MROH1: variants seen among roughly 807,000 people sequenced by gnomAD.
MROH1 encodes the protein maestro heat-like repeat-containing protein family member 1.
Under a neutral mutation model 116.5 loss-of-function variants are expected in MROH1, and 117 were observed. The observed-to-expected ratio is 1.00, with a 90% CI of 0.86 to 1.17. MROH1 has a LOEUF of 1.17. Ranked by LOEUF, MROH1 falls within the 50% of genes most tolerant of loss-of-function variation. MROH1 has a pLI of 0.00. For missense variants in MROH1, 1,873 were observed against 1,338.5 expected, an observed-to-expected ratio of 1.40 and a Z score of -6.23; for synonymous variants, 921 against 583.9, an observed-to-expected ratio of 1.58 and a Z score of -8.32.
chr8:144,216,417 T>G (rs1040015763), intron 12 of MROH1, among the ~76,000 whole-genome samples: 34 of 152,024 alleles, frequency 2.2e-4, no homozygotes, highest in African/African-American at 8.0e-4. Context: ...GAGCTTGCAG[T>G]GAGCCGAGAT....
intron 12 of MROH1, among the ~76,000 whole-genome samples, chr8:144,218,218 G>A (rs895083774): frequency 6.6e-6 from 1 of 152,146 alleles, no homozygotes; most frequent in African/African-American, 2.4e-5. Flanking sequence ...AGCTCCTCTG[G>A]TGCAGGAACA....
At chr8:144,193,597 CATTT>C (rs1264201106) in intron 10 of MROH1, among the ~76,000 whole-genome samples, 6 of 151,950 alleles carry the variant, frequency 3.9e-5, no homozygotes, top group Non-Finnish European at 7.4e-5. Flanking sequence ...ATTATTTATT[CATTT>C]ATTTATTTAT....
intron 1 of MROH1, among the ~76,000 whole-genome samples, chr8:144,156,383 G>C (rs1304825463): frequency 6.6e-6 from 1 of 151,608 alleles, no homozygotes; most frequent in African/African-American, 2.4e-5. Context: ...TGAGATGATC[G>C]TGATGTGAAT....
intron 12 of MROH1, among the ~76,000 whole-genome samples, chr8:144,218,614 TCTGAACTTCA>T (rs1835791686): frequency 6.7e-6 from 1 of 149,090 alleles, no homozygotes; most frequent in Non-Finnish European, 1.5e-5. Context: ...TAACAGAAAT[TCTGAACTTCA>T]CTGAACTTCA....
intron 1 of MROH1, among the ~76,000 whole-genome samples, chr8:144,153,198 C>CT (rs1817270788): frequency 6.8e-6 from 1 of 146,776 alleles, no homozygotes; most frequent in African/African-American, 2.7e-5. Flanking sequence ...ACAGGAATTC[C>CT]TTCTTTTTTT....
In MROH1 at chr8:144,261,825, T is replaced by C. The variant is rs1343990226; in HGVS notation, c.*85T>C. On this transcript the variant is annotated 3_prime_UTR_variant, in exon 44 of 44. Coordinates refer to ENST00000326134, the MANE Select transcript of MROH1 (RefSeq NM_032450.3). ...ACAGGGCCTCCTGAGGACCACAGCC[T>C]GGGCACACGACTGGAGGGGCCTGGC... 8.6e-6 allele frequency: 6 copies of C among 700,224 alleles called. No homozygotes were observed. The highest frequency in any genetic ancestry group is 1.6e-5 in the Non-Finnish European group (6 of 384,574). 43.4% of individuals were successfully genotyped at this position (700,224 alleles called of 1,614,324 possible).
chr8:144,217,521 T>C (rs1169073680), intron 12 of MROH1, among the ~76,000 whole-genome samples: 4 of 152,236 alleles, frequency 2.6e-5, no homozygotes, highest in Non-Finnish European at 5.9e-5. Flanking sequence ...CTGAAAGTTC[T>C]CAGAACACAT....
intron 4 of MROH1, among the ~76,000 whole-genome samples, chr8:144,168,887 G>A (rs928069335): frequency 4.6e-5 from 7 of 152,226 alleles, no homozygotes; most frequent in Admixed American, 2.0e-4. Flanking sequence ...CCTCAGGGAG[G>A]GGCTGCCCAG....
chr8:144,191,639 G>A, intron 8 of MROH1, 76 bp from the exon 9 acceptor site: 1 of 1,559,752 alleles, frequency 6.4e-7, no homozygotes, highest in Non-Finnish European at 8.7e-7. Context: ...GTCCGTCACG[G>A]GTGCTTGCTG....
chr8:144,236,536 T>A (rs2132779749), intron 14 of MROH1, among the ~76,000 whole-genome samples: 2 of 151,320 alleles, frequency 1.3e-5, no homozygotes, highest in Non-Finnish European at 2.9e-5. Context: ...AAGTCGGGAG[T>A]TCAAGACCAG....
chr8:144,234,498 G>GGTT (rs1839618125), intron 14 of MROH1, among the ~76,000 whole-genome samples: 1 of 18,090 alleles, frequency 5.5e-5, no homozygotes, highest in African/African-American at 1.7e-4. Flanking sequence ...TTTCTTTTTC[G>GGTT]TTTTTTTTTT....
At chr8:144,240,000 G>A in intron 18 of MROH1, 101 bp from the exon 19 acceptor site, 2 of 720,110 alleles carry the variant, frequency 2.8e-6, no homozygotes, top group South Asian at 3.0e-5. Context: ...GGGCGGCGGG[G>A]CCTGTCTGTG....
intron 11 of MROH1, 41 bp from the exon 12 acceptor site, chr8:144,200,387 C>A (rs749619673): frequency 6.8e-7 from 1 of 1,466,174 alleles, no homozygotes; most frequent in Non-Finnish European, 9.2e-7. Flanking sequence ...TAGGGATGAA[C>A]AAGATGACAT....
chr8:144,190,677 A>ATT, intron 7 of MROH1, 107 bp from the exon 8 acceptor site: 1 of 1,376,106 alleles, frequency 7.3e-7, no homozygotes, highest in Non-Finnish European at 1.0e-6. Context: ...TAGGGAGGGC[A>ATT]TCTTGCAGGC....
intron 12 of MROH1, among the ~76,000 whole-genome samples, chr8:144,204,954 G>T (rs1403516327): frequency 3.3e-5 from 5 of 152,192 alleles, no homozygotes; most frequent in Non-Finnish European, 5.9e-5. Flanking sequence ...TTCCAAAGTA[G>T]CTGTTTATAC....
At chr8:144,218,660 TCTCC>T (rs1835813413) in intron 12 of MROH1, among the ~76,000 whole-genome samples, 1 of 90,782 alleles carries the variant, frequency 1.1e-5, no homozygotes, top group African/African-American at 4.4e-5. Flanking sequence ...CCTCCCCTCC[TCTCC>T]CCTCCCGTCC....
chr8:144,220,755 C>A, intron 13 of MROH1, 82 bp downstream of exon 13: 1 of 1,281,060 alleles, frequency 7.8e-7, no homozygotes, highest in Non-Finnish European at 1.1e-6. Flanking sequence ...TGTGAGATCA[C>A]CCACCAACCA....
intron 7 of MROH1, among the ~76,000 whole-genome samples, chr8:144,181,711 G>A (rs1352302326): frequency 6.6e-6 from 1 of 152,198 alleles, no homozygotes. Flanking sequence ...AGCAGAGAGT[G>A]GAAGTGGGTG....
chr8:144,187,703 G>T (rs1362690797), intron 7 of MROH1, among the ~76,000 whole-genome samples: 1 of 152,192 alleles, frequency 6.6e-6, no homozygotes, highest in African/African-American at 2.4e-5. Context: ...TCAACCATTG[G>T]GTTTGCGCCT....
Sources: allele counts gnomAD v4.1 joint callset (sites outside exome capture counted in the v4.1 genomes callset), GRCh38; gene constraint gnomAD v4.1.1; transcripts MANE v1.5; gene names NCBI Gene and HGNC (gene_info 2026-07-23, HGNC 2026-07-21).